TGFBR1: variants seen among roughly 807,000 people sequenced by gnomAD.
TGFBR1 encodes transforming growth factor beta receptor 1.
TGFBR1 carries 20 observed loss-of-function variants against 55.1 expected under a neutral mutation model. The observed-to-expected ratio is 0.36, with a 90% CI of 0.26 to 0.53. TGFBR1 has a LOEUF of 0.53. Ranked by LOEUF, TGFBR1 falls within the 20% of genes least tolerant of loss-of-function variation. The pLI, the probability that TGFBR1 is intolerant of heterozygous loss-of-function variation, is 0.91. For synonymous variants in TGFBR1, 220 were observed against 214.8 expected, an observed-to-expected ratio of 1.02 and a Z score of -0.21; for missense variants, 385 against 617.6, an observed-to-expected ratio of 0.62 and a Z score of 3.99.
At chr9:99,127,476 A>G (rs1827074523) in intron 1 of TGFBR1, among the ~76,000 whole-genome samples, 1 of 152,234 alleles carries the variant, frequency 6.6e-6, no homozygotes, top group Admixed American at 6.5e-5. Context: ...GGCCTCAGGC[A>G]TACAGAAATA....
intron 1 of TGFBR1, 138 bp downstream of exon 1, chr9:99,105,440 G>A (rs992222594): frequency 1.5e-4 from 111 of 758,566 alleles, no homozygotes; most frequent in Non-Finnish European, 1.7e-4. Context: ...CCGGGCTCTC[G>A]TGGCGCCGCG....
At chr9:99,141,198 G>A (rs1299487371) in intron 4 of TGFBR1, among the ~76,000 whole-genome samples, 1 of 152,182 alleles carries the variant, frequency 6.6e-6, no homozygotes, top group Non-Finnish European at 1.5e-5. Context: ...TGGTTAAGAG[G>A]CATGCAAATA....
chr9:99,131,767 G>C (rs1162738558), intron 2 of TGFBR1, among the ~76,000 whole-genome samples: 1 of 152,080 alleles, frequency 6.6e-6, no homozygotes, highest in African/African-American at 2.4e-5. Context: ...TTAGGGGTTC[G>C]AGACCAGCCT....
intron 1 of TGFBR1, among the ~76,000 whole-genome samples, chr9:99,106,285 G>A (rs1158705227): frequency 2.6e-5 from 4 of 152,194 alleles, no homozygotes; most frequent in African/African-American, 9.6e-5. Flanking sequence ...GGTTGGGGTA[G>A]GTGGTTGGTA....
At chr9:99,124,710 T>C (rs898821409) in intron 1 of TGFBR1, among the ~76,000 whole-genome samples, 1 of 152,120 alleles carries the variant, frequency 6.6e-6, no homozygotes, top group Non-Finnish European at 1.5e-5. Context: ...CTTCAAGTGG[T>C]GAAATGGAAT....
intron 6 of TGFBR1, chr9:99,145,780 G>C (rs557376592): frequency 5.2e-5 from 8 of 152,766 alleles, no homozygotes; most frequent in African/African-American, 1.9e-4. Flanking sequence ...TCAAACTACT[G>C]TCTTGGCCTT....
At chr9:99,105,460 G>C (rs1015662384) in intron 1 of TGFBR1, among the ~76,000 whole-genome samples, 158 bp downstream of exon 1, 6 of 148,734 alleles carry the variant, frequency 4.0e-5, no homozygotes, top group African/African-American at 1.5e-4. Context: ...GCGGCTCGGC[G>C]GCTGCCGGGC....
At chr9:99,106,500 T>G (rs1462115989) in intron 1 of TGFBR1, among the ~76,000 whole-genome samples, 1 of 152,248 alleles carries the variant, frequency 6.6e-6, no homozygotes, top group East Asian at 1.9e-4. Flanking sequence ...CGTCTATGTA[T>G]TGTGCATTAC....
At chr9:99,117,319 G>A (rs1248401279) in intron 1 of TGFBR1, among the ~76,000 whole-genome samples, 1 of 150,090 alleles carries the variant, frequency 6.7e-6, no homozygotes, top group African/African-American at 2.5e-5. Context: ...GGCTGGTGTC[G>A]AATTCCTGAC....
rs559827917 is a variant in TGFBR1, at chr9:99,116,214, A to G, written c.97+10912A>G. Among the ~76,000 whole-genome samples, 6 of 150,760 alleles carry G rather than the reference A, an allele frequency of 4.0e-5. No homozygotes were observed. The East Asian group carries it at 1.2e-3, about 29-fold the overall frequency. On this transcript the variant is annotated intron_variant, in intron 1 of 8. Coordinates refer to ENST00000374994, the MANE Select transcript of TGFBR1 (RefSeq NM_004612.4). Reference sequence around the variant, plus strand: ...AAGGCCACATAAGTATTTTATGTAGATCTCATCTATCATTTAAGTTTTGTC... The same window carrying G: ...AAGGCCACATAAGTATTTTATGTAGGTCTCATCTATCATTTAAGTTTTGTC...
chr9:99,123,008 T>A (rs1313952798), intron 1 of TGFBR1, among the ~76,000 whole-genome samples: 1 of 152,128 alleles, frequency 6.6e-6, no homozygotes, highest in Admixed American at 6.6e-5. Flanking sequence ...ACTATATATA[T>A]AAAGCATATA....
chr9:99,135,188 A>G (rs779603397), intron 3 of TGFBR1, among the ~76,000 whole-genome samples: 7 of 152,172 alleles, frequency 4.6e-5, no homozygotes, highest in Non-Finnish European at 8.8e-5. Context: ...CACATTGTAC[A>G]AAACTTAGTT....
intron 6 of TGFBR1, 101 bp downstream of exon 6, chr9:99,144,989 A>C: frequency 7.5e-7 from 1 of 1,341,516 alleles, no homozygotes; most frequent in Non-Finnish European, 1.0e-6. Flanking sequence ...TTAAACTTGC[A>C]CTTTATTAGA....
At chr9:99,115,377 A>C (rs1188467290) in intron 1 of TGFBR1, among the ~76,000 whole-genome samples, 1 of 152,196 alleles carries the variant, frequency 6.6e-6, no homozygotes, top group Non-Finnish European at 1.5e-5. Flanking sequence ...CACCTTCTTC[A>C]GGCATCCTGT....
At chr9:99,130,657 T>C (rs1036845089) in intron 2 of TGFBR1, among the ~76,000 whole-genome samples, 1 of 152,186 alleles carries the variant, frequency 6.6e-6, no homozygotes, top group African/African-American at 2.4e-5. Context: ...TTTCCAGCTC[T>C]AGGATAAGCA....
Position 99,153,697 on chromosome 9 carries a change from A to T in TGFBR1, c.*4392A>T, listed in dbSNP as rs1424457331. The T allele has an allele frequency of 2.0e-5, 4 of 200,316 alleles. No individual in the cohort carries two copies. In the Admixed American group the frequency reaches 2.4e-4, roughly 12 times the overall value. The allele number at this position is 200,316 out of a possible 1,614,324, so 12.4% of individuals were successfully genotyped here. Reference sequence around the variant, plus strand: ...TAAAGTGTATACGTTGGAATGAGTCATGCCATATGTAGTTGCTGTAGATGG... The same window carrying T: ...TAAAGTGTATACGTTGGAATGAGTCTTGCCATATGTAGTTGCTGTAGATGG... On this transcript the variant is annotated 3_prime_UTR_variant, in exon 9 of 9. Coordinates refer to ENST00000374994, the MANE Select transcript of TGFBR1 (RefSeq NM_004612.4).
rs376577696 is a variant in TGFBR1, at chr9:99,108,849, A to G, written c.97+3547A>G. ...ACATAAAAGTAATCAAAGTGGAATG[A>G]GTGAGGGAGAATAACATTATGGGAT... On this transcript the variant is annotated intron_variant, in intron 1 of 8. Coordinates refer to ENST00000374994, the MANE Select transcript of TGFBR1 (RefSeq NM_004612.4). 1.8e-4 allele frequency among the ~76,000 whole-genome samples: 28 copies of G among 151,588 alleles called. 1 individual carries two copies. The highest frequency in any genetic ancestry group is 1.6e-3 in the East Asian group (8 of 5,110).
At chr9:99,131,698 A>T (rs1453978432) in intron 2 of TGFBR1, among the ~76,000 whole-genome samples, 1 of 152,092 alleles carries the variant, frequency 6.6e-6, no homozygotes, top group Non-Finnish European at 1.5e-5. Flanking sequence ...TTGGCCGGGC[A>T]TGGCTCATGC....
Position 99,134,879 on chromosome 9 carries a change from T to G in TGFBR1, c.574+2140T>G, listed in dbSNP as rs1827386038. On this transcript the variant is annotated intron_variant, in intron 3 of 8. Coordinates refer to ENST00000374994, the MANE Select transcript of TGFBR1 (RefSeq NM_004612.4). ...TTCTAGATCCATGAGGGACCATAGC[T>G]CTCTGTTCTCTGAAAGCTTCTCTCC... is the stretch of plus-strand genomic sequence containing the variant. Among the ~76,000 whole-genome samples the G allele has an allele frequency of 2.9e-5, 4 of 137,752 alleles. No individual in the cohort carries two copies. In the South Asian group the frequency reaches 9.4e-4, roughly 32 times the overall value. The allele number at this position is 137,752 out of a possible 152,430, so 90.4% of individuals were successfully genotyped here.
Sources: gnomAD v4.1 joint callset for allele counts (sites outside exome capture counted in the v4.1 genomes callset) on GRCh38, gnomAD v4.1.1 for gene constraint, MANE v1.5 for transcripts, NCBI Gene and HGNC (gene_info 2026-07-23, HGNC 2026-07-21) for gene names.